Variants in RANBP2 observed in about 807,000 individuals in gnomAD.
RANBP2 encodes RAN binding protein 2.
RANBP2 carries 57 observed loss-of-function variants against 303.6 expected under a neutral mutation model. The observed-to-expected ratio is 0.19, with a 90% CI of 0.15 to 0.23. RANBP2 has a LOEUF of 0.23. Ranked by LOEUF, RANBP2 falls within the 10% of genes least tolerant of loss-of-function variation. The probability of loss-of-function intolerance (pLI) is 1.00; values close to 1 mark genes in which losing one functional copy is unlikely to be tolerated. For synonymous variants in RANBP2, 1,167 were observed against 1,301.5 expected (o/e 0.90, Z 2.23); for missense variants, 3,138 against 3,780.8 (o/e 0.83, Z 4.46).
the RANBP2 span, among the ~76,000 whole-genome samples, chr2:109,353,251 T>A: frequency 6.6e-6 from 1 of 152,304 alleles, no homozygotes; most frequent in East Asian, 1.9e-4. Context: ...TGGTGGGTTC[T>A]CCCTGCAGCC....
chr2:109,673,803 T>C, the RANBP2 span, among the ~76,000 whole-genome samples: 1 of 152,164 alleles, frequency 6.6e-6, no homozygotes, highest in East Asian at 1.9e-4. Flanking sequence ...CAGATAGCTA[T>C]ACCCATTTAC....
At chr2:108,949,288 G>A in the RANBP2 span, among the ~76,000 whole-genome samples, 1 of 152,154 alleles carries the variant, frequency 6.6e-6, no homozygotes, top group Non-Finnish European at 1.5e-5. Context: ...GGCTAACATA[G>A]GCTATTTTTA....
chr2:109,522,294 CTTT>C, the RANBP2 span, among the ~76,000 whole-genome samples: 1,470 of 142,958 alleles, frequency 0.01, 34 homozygotes, highest in African/African-American at 0.036. Flanking sequence ...AAAAAAAAAC[CTTT>C]TTTTTTTTTT....
At chr2:109,765,244 C>G in the RANBP2 span, among the ~76,000 whole-genome samples, 1 of 142,672 alleles carries the variant, frequency 7.0e-6, no homozygotes, top group African/African-American at 2.6e-5. Flanking sequence ...ACCATGACCC[C>G]CAGTAACAAA....
At chr2:108,748,431 C>T (rs1675562594) in intron 8 of RANBP2, among the ~76,000 whole-genome samples, 1 of 149,582 alleles carries the variant, frequency 6.7e-6, no homozygotes, top group Non-Finnish European at 1.5e-5. Context: ...CTGTGTTAGC[C>T]AGGATGGTCT....
the RANBP2 span, chr2:109,618,406 A>C: frequency 6.0e-6 from 1 of 167,192 alleles, no homozygotes; most frequent in Non-Finnish European, 1.5e-5. Flanking sequence ...CAAAATCTAT[A>C]ATTTGCCAGG....
the RANBP2 span, among the ~76,000 whole-genome samples, chr2:108,792,464 A>C: frequency 2.0e-5 from 3 of 152,190 alleles, no homozygotes; most frequent in Non-Finnish European, 4.4e-5. Flanking sequence ...TATTCCATTA[A>C]AAGTAATGGC....
At chr2:109,083,336 T>G in the RANBP2 span, among the ~76,000 whole-genome samples, 96 of 152,268 alleles carry the variant, frequency 6.3e-4, no homozygotes, top group African/African-American at 2.1e-3. Flanking sequence ...TATTCTACTT[T>G]CTGTCTCTGT....
the RANBP2 span, among the ~76,000 whole-genome samples, chr2:109,140,515 G>A: frequency 1.3e-5 from 2 of 151,894 alleles, no homozygotes; most frequent in African/African-American, 4.8e-5. Flanking sequence ...CGAGTAGCTG[G>A]GACTACAGGC....
chr2:108,825,306 A>G, the RANBP2 span, among the ~76,000 whole-genome samples: 1 of 152,072 alleles, frequency 6.6e-6, no homozygotes, highest in Admixed American at 6.5e-5. Context: ...TAACAGCTTT[A>G]TTGAGATATA....
At chr2:109,376,187 A>G in the RANBP2 span, among the ~76,000 whole-genome samples, 33 of 152,334 alleles carry the variant, frequency 2.2e-4, no homozygotes, top group African/African-American at 7.0e-4. Flanking sequence ...ATTCCTGAGC[A>G]CTGAACACAT....
At chr2:109,034,463 T>C in the RANBP2 span, among the ~76,000 whole-genome samples, 3 of 152,086 alleles carry the variant, frequency 2.0e-5, no homozygotes, top group East Asian at 5.8e-4. Flanking sequence ...ACGTGGAGTA[T>C]TGCAGAGCCA....
At chr2:109,708,242 T>C in the RANBP2 span, among the ~76,000 whole-genome samples, 1 of 151,556 alleles carries the variant, frequency 6.6e-6, no homozygotes, top group African/African-American at 2.4e-5. Flanking sequence ...ACATTTTAGC[T>C]GGGCATGGTG....
the RANBP2 span, among the ~76,000 whole-genome samples, chr2:109,165,756 T>C: frequency 4.6e-5 from 7 of 152,206 alleles, no homozygotes; most frequent in South Asian, 1.5e-3. Flanking sequence ...CAGATCCTTC[T>C]TTTTTTTAGT....
At chr2:108,923,572 C>T in the RANBP2 span, 1 of 826,524 alleles carries the variant, frequency 1.2e-6, no homozygotes, top group East Asian at 2.5e-5. Context: ...GGCATGAGGC[C>T]ACGCCCACTC....
At chr2:108,878,059 C>T in the RANBP2 span, among the ~76,000 whole-genome samples, 143,002 of 152,314 alleles carry the variant, frequency 0.94, 67,213 homozygotes, top group East Asian at 1. Flanking sequence ...ATACCACTTA[C>T]GTACTATTCT....
chr2:109,633,848 G>A, the RANBP2 span, among the ~76,000 whole-genome samples: 1 of 151,470 alleles, frequency 6.6e-6, no homozygotes, highest in African/African-American at 2.4e-5. Context: ...TCAGCCTGGC[G>A]CAATGGCTCA....
the RANBP2 span, among the ~76,000 whole-genome samples, chr2:109,417,186 C>T: frequency 3.3e-5 from 5 of 152,170 alleles, no homozygotes; most frequent in Non-Finnish European, 7.4e-5. Context: ...TGCGCAGATG[C>T]CTGGGGCTGG....
At chr2:108,840,115 GTTC>G in the RANBP2 span, among the ~76,000 whole-genome samples, 1 of 151,942 alleles carries the variant, frequency 6.6e-6, no homozygotes, top group Admixed American at 6.6e-5. Context: ...ATTGATACAT[GTTC>G]TTTTTCATCT....
Sources: allele counts gnomAD v4.1 joint callset (sites outside exome capture counted in the v4.1 genomes callset), GRCh38; gene constraint gnomAD v4.1.1; transcripts MANE v1.5; gene names NCBI Gene and HGNC (gene_info 2026-07-23, HGNC 2026-07-21).